The following MLXIP variants were observed in gnomAD, a reference collection of about 807,000 sequenced individuals.
MLXIP encodes MLX interacting protein.
MLXIP carries 30 observed loss-of-function variants against 87.2 expected under a neutral mutation model. The observed-to-expected ratio is 0.34, with a 90% CI of 0.26 to 0.47. The LOEUF is 0.47. Ranked by LOEUF, MLXIP falls within the 20% of genes least tolerant of loss-of-function variation. The pLI is 1.00. For missense variants in MLXIP, 1,002 were observed against 1,240.1 expected (o/e 0.81, Z 2.88); for synonymous variants, 530 against 514.0 (o/e 1.03, Z -0.42).
At chr12:122,103,691 TG>T (rs1395412645) in intron 1 of MLXIP, among the ~76,000 whole-genome samples, 4,649 of 150,812 alleles carry the variant, frequency 0.031, 137 homozygotes, top group Admixed American at 0.095. Context: ...GGCTAATTTT[TG>T]TATTTTTTTT....
In MLXIP at chr12:122,131,816, C is replaced by T. The variant is rs145704968; in HGVS notation, c.1001-476C>T. Among the ~76,000 whole-genome samples, 999 of 152,014 alleles carry T rather than the reference C, an allele frequency of 6.6e-3. 6 individuals are homozygous for T. Among genetic ancestry groups the T allele is most frequent in the African/African-American group, 0.018 (756 of 41,480 alleles). ...AGAACACGGCTCACTGCACCCTCAA[C>T]CTCCCTCCTGGACTTAAGCGATCCT... On this transcript the variant is annotated intron_variant, in intron 7 of 16. Coordinates refer to ENST00000319080, the MANE Select transcript of MLXIP (RefSeq NM_014938.6).
intron 1 of MLXIP, among the ~76,000 whole-genome samples, chr12:122,101,705 C>T (rs369986416): frequency 1.5e-4 from 23 of 151,618 alleles, no homozygotes; most frequent in East Asian, 1.4e-3. Flanking sequence ...CGCAGCCTCC[C>T]GAGTAGCTGG....
chr12:122,090,900 C>T (rs1437500878), intron 1 of MLXIP, among the ~76,000 whole-genome samples: 7 of 152,154 alleles, frequency 4.6e-5, no homozygotes, highest in Admixed American at 4.6e-4. Flanking sequence ...ATGCGAAAGG[C>T]CTAGAGTAGC....
intron 1 of MLXIP, 76 bp from the exon 2 acceptor site, chr12:122,127,180 G>A: frequency 8.6e-7 from 1 of 1,166,050 alleles, no homozygotes; most frequent in Non-Finnish European, 1.3e-6. Context: ...GTCCTGGAAT[G>A]ATCGGGTGGC....
chr12:122,130,451 C>T (rs1290909525), intron 6 of MLXIP, among the ~76,000 whole-genome samples: 1 of 151,480 alleles, frequency 6.6e-6, no homozygotes, highest in Non-Finnish European at 1.5e-5. Context: ...GCGGCCGGGC[C>T]GTGACTCATG....
intron 7 of MLXIP, among the ~76,000 whole-genome samples, chr12:122,131,628 T>G (rs1952980958): frequency 6.6e-6 from 1 of 151,728 alleles, no homozygotes; most frequent in Non-Finnish European, 1.5e-5. Context: ...TTCTTCATTT[T>G]TTTGTAAAGA....
At chr12:122,094,775 G>A (rs1402925821) in intron 1 of MLXIP, among the ~76,000 whole-genome samples, 1 of 146,924 alleles carries the variant, frequency 6.8e-6, no homozygotes, top group Non-Finnish European at 1.5e-5. Flanking sequence ...TGTCTGTGGT[G>A]TTGGTGTGGG....
chr12:122,130,929 C>G lies in MLXIP; in HGVS notation c.996C>G (p.Phe332Leu). The G allele has an allele frequency of 6.2e-7, 1 of 1,611,316 alleles. No homozygotes were observed. The change falls in exon 7 of 17, where the codon TTC (phenylalanine) becomes TTG (leucine). Residue 332 changes from phenylalanine to leucine, a missense_variant. Coordinates refer to ENST00000319080, the MANE Select transcript of MLXIP (RefSeq NM_014938.6). Reference sequence around the variant, plus strand: ...ACTTCATGGACACCTTTGAGCCTTTCCAGGGTGAGGACCAGAGGCAGAGAG... The same window carrying G: ...ACTTCATGGACACCTTTGAGCCTTTGCAGGGTGAGGACCAGAGGCAGAGAG... ...NLDFMDTFEP[F>L]QDLFSSSRSI...
rs1953286157 is a variant in MLXIP at position 122,145,526 on chromosome 12, C to T, written c.*3714C>T. 6.6e-6 allele frequency: 1 copy of T among 152,348 alleles called. No homozygotes were observed. Among genetic ancestry groups the T allele is most frequent in the Admixed American group, 6.5e-5 (1 of 15,286 alleles). The allele number at this position is 152,348 out of a possible 1,614,324, so 9.4% of individuals were successfully genotyped here. A position where few individuals can be genotyped will look rare whatever the true frequency, so the allele number is the denominator to read the frequency against. ...ACACCCACCTCATCTCCGTGCACAG[C>T]CATGACTGGCCCTGCCGGCAGCTGG... is the stretch of plus-strand genomic sequence containing the variant. On this transcript the variant is annotated 3_prime_UTR_variant, in exon 17 of 17. Transcript: ENST00000319080.
At chr12:122,124,504 T>C (rs2135964638) in intron 1 of MLXIP, among the ~76,000 whole-genome samples, 1 of 144,086 alleles carries the variant, frequency 6.9e-6, no homozygotes, top group African/African-American at 2.6e-5. Context: ...AGCTACGCAA[T>C]CCCACCCTCA....
chr12:122,124,691 T>C (rs2135964949), intron 1 of MLXIP, among the ~76,000 whole-genome samples: 1 of 151,828 alleles, frequency 6.6e-6, no homozygotes, highest in Admixed American at 6.6e-5. Context: ...CCCTTCAATA[T>C]ATGTACCTAC....
chr12:122,133,281 T>C lies in MLXIP; in HGVS notation c.1093-67T>C. ...CGGCCTGTGTAGTTGGACTTGGCAGTGTGCAGCGCTAGAAAGGAATTGTCT... is the reference window on the plus strand; with the variant it reads ...CGGCCTGTGTAGTTGGACTTGGCAGCGTGCAGCGCTAGAAAGGAATTGTCT... On this transcript the variant is annotated intron_variant, in intron 8 of 16. Transcript: ENST00000319080. This position sits in a 1 kb window ranked among gnomAD's most constrained non-coding sequence, Gnocchi z 4.9. The C allele has an allele frequency of 6.7e-7, 1 of 1,495,482 alleles. No homozygotes were observed. The highest frequency in any genetic ancestry group is 8.9e-7 in the Non-Finnish European group (1 of 1,124,828). The allele number at this position is 1,495,482 out of a possible 1,614,324, so 92.6% of individuals were successfully genotyped here.
chr12:122,102,904 G>T (rs1952457336), intron 1 of MLXIP, among the ~76,000 whole-genome samples: 1 of 152,236 alleles, frequency 6.6e-6, no homozygotes, highest in South Asian at 2.1e-4. Flanking sequence ...TAGTTGTTTA[G>T]GGTCGAAGTG....
intron 1 of MLXIP, among the ~76,000 whole-genome samples, chr12:122,103,219 T>A (rs796438805): frequency 3.6e-5 from 2 of 55,484 alleles, no homozygotes; most frequent in Non-Finnish European, 5.2e-5. Flanking sequence ...ATTTATTTAT[T>A]TATTTATTTA....
intron 1 of MLXIP, among the ~76,000 whole-genome samples, chr12:122,093,569 GGGTGTA>G (rs1952284532): frequency 7.3e-6 from 1 of 136,130 alleles, no homozygotes; most frequent in African/African-American, 2.8e-5. Flanking sequence ...CCTGTGGCAT[GGGTGTA>G]GTGTGTGTGT....
intron 1 of MLXIP, among the ~76,000 whole-genome samples, chr12:122,095,659 T>G (rs1440825391): frequency 1.3e-5 from 2 of 151,600 alleles, no homozygotes; most frequent in African/African-American, 4.9e-5. Context: ...TTTTTACATT[T>G]TAAAATTAAA....
At chr12:122,093,448 G>A (rs1565959681) in intron 1 of MLXIP, among the ~76,000 whole-genome samples, 1 of 147,282 alleles carries the variant, frequency 6.8e-6, no homozygotes, top group Non-Finnish European at 1.5e-5. Flanking sequence ...TGTTGTATGT[G>A]TGGGGTGTGT....
chr12:122,130,338 G>A (rs995871879), intron 6 of MLXIP, among the ~76,000 whole-genome samples: 4 of 152,080 alleles, frequency 2.6e-5, no homozygotes, highest in Non-Finnish European at 4.4e-5. Context: ...TGCCATTCCC[G>A]TAGTGCCATG....
At chr12:122,083,031 G>C (rs1234553680) in intron 1 of MLXIP, among the ~76,000 whole-genome samples, 1 of 152,152 alleles carries the variant, frequency 6.6e-6, no homozygotes, top group African/African-American at 2.4e-5. Flanking sequence ...TGCTTCTCAG[G>C]ATGGTCTTGA....
Sources: allele counts gnomAD v4.1 joint callset (sites outside exome capture counted in the v4.1 genomes callset), GRCh38; gene constraint gnomAD v4.1.1; non-coding constraint Gnocchi (gnomAD v3.1); transcripts MANE v1.5; gene names NCBI Gene and HGNC (gene_info 2026-07-23, HGNC 2026-07-21).